Variants in KCNV2 observed in about 807,000 individuals in gnomAD.
The protein encoded by KCNV2 is potassium voltage-gated channel subfamily V member 2.
KCNV2 carries 65 observed loss-of-function variants against 37.0 expected under a neutral mutation model. The observed-to-expected ratio is 1.76, with a 90% confidence interval of 1.44 to 2.16. The LOEUF is 2.16. Ranked by LOEUF, KCNV2 falls within the 30% of genes most tolerant of loss-of-function variation. KCNV2 has a pLI of 0.00. For missense variants in KCNV2, 1,232 were observed against 766.7 expected, an observed-to-expected ratio of 1.61 and a Z score of -7.17; for synonymous variants, 518 against 328.6, an observed-to-expected ratio of 1.58 and a Z score of -6.23.
intron 1 of KCNV2, among the ~76,000 whole-genome samples, chr9:2,727,427 TAAAA>T (rs113866059): frequency 1.3e-5 from 2 of 151,616 alleles, no homozygotes. Context: ...AGAACTTAAA[TAAAA>T]AAAAGACACA....
At position 2,726,763 on chromosome 9, in the gene KCNV2, G is replaced by A. The variant is rs146120678; in HGVS notation, c.1357-2683G>A. 1.2e-3 allele frequency among the ~76,000 whole-genome samples: 176 copies of A among 152,278 alleles called. 1 individual carries two copies. Among genetic ancestry groups the A allele is most frequent in the African/African-American group, 3.8e-3 (156 of 41,564 alleles). ...CTGTTAGGAACCCGGCCACACAGCA[G>A]GAGATGAGTGGAGGGCCATCAATCA... On this transcript the variant is annotated intron_variant, in intron 1 of 1. Transcript: ENST00000382082.
Position 2,729,495 on chromosome 9 carries a change from T to C in KCNV2, c.1406T>C (p.Leu469Pro), listed in dbSNP as rs1291891848. 8.7e-6 allele frequency: 14 copies of C among 1,614,030 alleles called. No homozygotes were observed. The highest frequency in any genetic ancestry group is 1.3e-5 in the African/African-American group (1 of 74,928). Residue 469 changes from leucine (L) to proline (P), a missense_variant, in exon 2 of 2, where the codon CTG becomes CCG. Coordinates refer to ENST00000382082, the MANE Select transcript of KCNV2 (RefSeq NM_133497.4). Reference sequence around the variant, plus strand: ...GGAGACATGTACCCAGAGACCCACCTGGGCAGGTTTTTTGCCTTCCTCTGC... The same window carrying C: ...GGAGACATGTACCCAGAGACCCACCCGGGCAGGTTTTTTGCCTTCCTCTGC... ...GYGDMYPETH[L>P]GRFFAFLCIA...
intron 1 of KCNV2, among the ~76,000 whole-genome samples, chr9:2,720,042 G>C (rs918829235): frequency 1.3e-5 from 2 of 152,222 alleles, no homozygotes; most frequent in African/African-American, 2.4e-5. Flanking sequence ...GGAAAGAATT[G>C]AATGTATGGT....
At chr9:2,728,535 C>A (rs1410279442) in intron 1 of KCNV2, among the ~76,000 whole-genome samples, 1 of 152,084 alleles carries the variant, frequency 6.6e-6, no homozygotes, top group Non-Finnish European at 1.5e-5. Flanking sequence ...AATAAGTCTC[C>A]AATTAGTGGG....
chr9:2,729,881 T>C lies in KCNV2; in HGVS notation c.*154T>C, dbSNP rs1308001275. 6 of 767,176 alleles carry C rather than the reference T, an allele frequency of 7.8e-6. No individual in the cohort carries two copies. Among genetic ancestry groups the C allele is most frequent in the Non-Finnish European group, 1.3e-5 (6 of 465,222 alleles). The allele number at this position is 767,176 out of a possible 1,614,324, so 47.5% of individuals were successfully genotyped here. On this transcript the variant is annotated 3_prime_UTR_variant, in exon 2 of 2. Coordinates refer to ENST00000382082, the MANE Select transcript of KCNV2 (RefSeq NM_133497.4). ...AGTACTGCCTCTAGAAATACTCATT[T>C]TGGCCCAAACTCAGAATGTCTCATA... is the stretch of plus-strand genomic sequence containing the variant.
chr9:2,729,853 C>T lies in KCNV2; in HGVS notation c.*126C>T. ...ACATACACAAAGGCCATTTCGTTCA[C>T]AAAGTACTGCCTCTAGAAATACTCA... On this transcript the variant is annotated 3_prime_UTR_variant, in exon 2 of 2. Coordinates refer to ENST00000382082, the MANE Select transcript of KCNV2 (RefSeq NM_133497.4). 3 of 958,966 alleles carry T rather than the reference C, an allele frequency of 3.1e-6. No individual in the cohort carries two copies. The highest frequency in any genetic ancestry group is 1.4e-5 in the South Asian group (1 of 72,252). 59.4% of individuals were successfully genotyped at this position (958,966 alleles called of 1,614,324 possible). A position where few individuals can be genotyped will look rare whatever the true frequency, so the allele number is the denominator to read the frequency against.
At chr9:2,725,869 A>G (rs553423557) in intron 1 of KCNV2, among the ~76,000 whole-genome samples, 2 of 152,214 alleles carry the variant, frequency 1.3e-5, no homozygotes, top group South Asian at 4.1e-4. Flanking sequence ...GAAAAATTTG[A>G]TGCTTATCCT....
rs1268320464 is a variant in KCNV2, at chr9:2,729,595, G to A, written c.1506G>A (p.Lys502=). 3.1e-6 allele frequency: 5 copies of A among 1,614,092 alleles called. No individual in the cohort carries two copies. In the East Asian group the frequency reaches 8.9e-5, roughly 29 times the overall value. The change falls in exon 2 of 2, where the codon AAG becomes AAA. Residue 502 remains lysine, a synonymous_variant. Coordinates refer to ENST00000382082, the MANE Select transcript of KCNV2 (RefSeq NM_133497.4). ...LYNKFSDYYS[K]LKAYEYTTIR... is the part of the protein sequence containing the mutation. Reference sequence around the variant, plus strand: ...ACAAGTTTTCTGATTACTACAGCAAGCTGAAGGCTTATGAGTATACCACCA... The same window carrying A: ...ACAAGTTTTCTGATTACTACAGCAAACTGAAGGCTTATGAGTATACCACCA...
At chr9:2,721,375 CTA>C (rs1317006558) in intron 1 of KCNV2, among the ~76,000 whole-genome samples, 1 of 152,184 alleles carries the variant, frequency 6.6e-6, no homozygotes, top group African/African-American at 2.4e-5. Context: ...CCCAGGACTG[CTA>C]TGTTATTAAT....
At position 2,718,887 on chromosome 9, in the gene KCNV2, G is replaced by A. The variant is rs141881396; in HGVS notation, c.1148G>A (p.Arg383His). The change falls in exon 1 of 2, where the codon CGC (arginine) becomes CAC (histidine). Residue 383 changes from arginine to histidine, a missense_variant. Transcript: ENST00000382082. ...GQVLRVMRLM[R>H]IFRILKLARH... ...GTGTTGCGCGTCATGCGCCTCATGC[G>A]CATCTTCCGCATCCTCAAGCTGGCG... The A allele has an allele frequency of 1.4e-5, 23 of 1,608,700 alleles. No individual in the cohort carries two copies. Among genetic ancestry groups the A allele is most frequent in the East Asian group, 2.2e-5 (1 of 44,874 alleles).
intron 1 of KCNV2, among the ~76,000 whole-genome samples, chr9:2,719,401 T>C (rs1449389346): frequency 1.3e-5 from 2 of 152,294 alleles, no homozygotes; most frequent in South Asian, 2.1e-4. Flanking sequence ...TTACCAGTTA[T>C]TGAGCATCCA....
chr9:2,719,839 C>A (rs1819832105), intron 1 of KCNV2, among the ~76,000 whole-genome samples: 1 of 152,196 alleles, frequency 6.6e-6, no homozygotes, highest in East Asian at 1.9e-4. Flanking sequence ...AGTTTTAGTT[C>A]TTTTGCATGC....
rs769260522 is a variant in KCNV2 at position 2,717,858 on chromosome 9, AGGCCAGCATCC to A, written c.120_130del (p.Ala41ArgfsTer8). 3 of 1,614,088 alleles carry A rather than the reference AGGCCAGCATCC, an allele frequency of 1.9e-6. No homozygotes were observed. In the African/African-American group the frequency reaches 4.0e-5, roughly 22 times the overall value. ...TCCCTGGGTGCCCGTTCCGGCTCCC[AGGCCAGCATCC>A]ACGGCTGGACAGAGGGCAACTATAA... On this transcript the variant is annotated frameshift_variant, in exon 1 of 2. Transcript: ENST00000382082. LOFTEE classifies it high-confidence loss of function.
rs796658305 is a variant in KCNV2 at position 2,729,516 on chromosome 9, T to G, written c.1427T>G (p.Leu476Arg). The change falls in exon 2 of 2, where the codon CTC becomes CGC. Residue 476 changes from leucine to arginine, a missense_variant. Transcript: ENST00000382082. ...ETHLGRFFAF[L>R]CIAFGIILNG... ...CACCTGGGCAGGTTTTTTGCCTTCCTCTGCATTGCTTTTGGGATCATTCTC... is the reference window on the plus strand; with the variant it reads ...CACCTGGGCAGGTTTTTTGCCTTCCGCTGCATTGCTTTTGGGATCATTCTC... The G allele has an allele frequency of 1.2e-6, 2 of 1,614,166 alleles. No individual in the cohort carries two copies. The highest frequency in any genetic ancestry group is 1.7e-6 in the Non-Finnish European group (2 of 1,180,012).
Position 2,718,528 on chromosome 9 carries a change from G to C in KCNV2, c.789G>C (p.Gly263=). The part of the protein sequence containing the change: ...PFSSVAAKAI[G]VASSTFVLVS... ...CCTCGGTGGCCGCCAAGGCCATCGGGGTGGCCTCCAGCACCTTCGTGCTCG... is the reference window on the plus strand; with the variant it reads ...CCTCGGTGGCCGCCAAGGCCATCGGCGTGGCCTCCAGCACCTTCGTGCTCG... The change falls in exon 1 of 2, where the codon GGG becomes GGC. Residue 263 remains glycine, a synonymous_variant. Transcript: ENST00000382082. The C allele has an allele frequency of 6.2e-7, 1 of 1,611,352 alleles. No homozygotes were observed. Among genetic ancestry groups the C allele is most frequent in the South Asian group, 1.1e-5 (1 of 90,740 alleles).
rs946859204 is a variant in KCNV2, at chr9:2,726,882, C to A, written c.1357-2564C>A. 3.3e-5 allele frequency among the ~76,000 whole-genome samples: 5 copies of A among 152,152 alleles called. No individual in the cohort carries two copies. In the South Asian group the frequency reaches 1.0e-3, roughly 32 times the overall value. On this transcript the variant is annotated intron_variant, in intron 1 of 1. Coordinates refer to ENST00000382082, the MANE Select transcript of KCNV2 (RefSeq NM_133497.4). The stretch of plus-strand genomic sequence containing the variant: ...ATTGTTAACTGCGCATGGGAGGGAT[C>A]TAGGTTGCTTGCTCCTTATGAGAAT...
Position 2,718,594 on chromosome 9 carries a change from G to A in KCNV2, c.855G>A (p.Met285Ile), listed in dbSNP as rs768649666. ...TGGCGCTCAACACCGTGGAGGAGAT[G>A]CAGCAGCACTCGGGGCAGGGCGAGG... Reference protein sequence around the residue: ...VALALNTVEEMQQHSGQGEGG... With the variant: ...VALALNTVEEIQQHSGQGEGG... The change falls in exon 1 of 2, where the codon ATG becomes ATA. Residue 285 changes from methionine to isoleucine, a missense_variant. Met to Ile is a conservative substitution (Grantham distance 10, BLOSUM62 1). Transcript: ENST00000382082. The A allele has an allele frequency of 8.1e-6, 13 of 1,613,014 alleles. No homozygotes were observed. Among genetic ancestry groups the A allele is most frequent in the Non-Finnish European group, 1.0e-5 (12 of 1,179,796 alleles).
chr9:2,718,609 G>A lies in KCNV2; in HGVS notation c.870G>A (p.Gly290=), dbSNP rs538996326. 15 of 1,613,070 alleles carry A rather than the reference G, an allele frequency of 9.3e-6. No individual in the cohort carries two copies. Among genetic ancestry groups the A allele is most frequent in the East Asian group, 2.2e-5 (1 of 44,856 alleles). The change falls in exon 1 of 2, where the codon GGG becomes GGA. Residue 290 remains glycine, a synonymous_variant. Coordinates refer to ENST00000382082, the MANE Select transcript of KCNV2 (RefSeq NM_133497.4). The part of the protein sequence containing the change: ...NTVEEMQQHS[G]QGEGGPDLRP... ...TGGAGGAGATGCAGCAGCACTCGGG[G>A]CAGGGCGAGGGCGGCCCAGACCTGC...
chr9:2,719,201 T>C (rs903486029), intron 1 of KCNV2, 106 bp downstream of exon 1: 4 of 1,269,234 alleles, frequency 3.2e-6, no homozygotes, highest in Non-Finnish European at 4.4e-6. Flanking sequence ...GATCCTCGTC[T>C]TCCCCCCCAC....
Sources: gnomAD v4.1 joint callset for allele counts (sites outside exome capture counted in the v4.1 genomes callset) on GRCh38, gnomAD v4.1.1 for gene constraint, MANE v1.5 for transcripts, NCBI Gene and HGNC (gene_info 2026-07-23, HGNC 2026-07-21) for gene names.